The following PTPRO variants were observed in gnomAD, a reference collection of about 807,000 sequenced individuals.
PTPRO encodes protein tyrosine phosphatase receptor type O, also known as receptor-type tyrosine-protein phosphatase O.
In PTPRO, 62 loss-of-function variants were observed where a neutral mutation model predicts 145.2. The ratio of observed to expected loss-of-function variants is 0.43; its 90% CI spans 0.35 to 0.53. The LOEUF is 0.53. Ranked by LOEUF, PTPRO falls within the 20% of genes least tolerant of loss-of-function variation. The probability of loss-of-function intolerance (pLI) is 0.01; values close to 1 mark genes in which losing one functional copy is unlikely to be tolerated. For synonymous variants in PTPRO, 565 were observed against 514.7 expected, an observed-to-expected ratio of 1.10 and a Z score of -1.32; for missense variants, 1,345 against 1,482.7, an observed-to-expected ratio of 0.91 and a Z score of 1.53.
chr12:15,443,153 C>G (rs1940815151), intron 1 of PTPRO, among the ~76,000 whole-genome samples: 1 of 151,948 alleles, frequency 6.6e-6, no homozygotes, highest in African/African-American at 2.4e-5. Flanking sequence ...AATAGAGAAC[C>G]CATAAATAAA....
chr12:15,461,429 G>C (rs555038971), intron 1 of PTPRO, among the ~76,000 whole-genome samples: 1 of 152,028 alleles, frequency 6.6e-6, no homozygotes, highest in African/African-American at 2.4e-5. Flanking sequence ...CAAGGGCTGC[G>C]TCACAGGCCA....
intron 1 of PTPRO, among the ~76,000 whole-genome samples, chr12:15,333,666 G>A (rs183180865): frequency 2.9e-4 from 44 of 152,320 alleles, no homozygotes; most frequent in South Asian, 1.0e-3. Context: ...CCACTGAGTC[G>A]GGCTGGGGAG....
intron 1 of PTPRO, among the ~76,000 whole-genome samples, chr12:15,388,085 G>A (rs926392260): frequency 6.6e-6 from 1 of 152,116 alleles, no homozygotes; most frequent in Non-Finnish European, 1.5e-5. Context: ...AATGCAGAAG[G>A]CCTCAGGGAA....
Position 15,549,151 on chromosome 12 carries a change from G to A in PTPRO, c.2362G>A (p.Ala788Thr). The change falls in exon 14 of 27, where the codon GCC (alanine) becomes ACC (threonine). Residue 788 changes from alanine (A) to threonine (T), a missense_variant. Coordinates refer to ENST00000281171, the MANE Select transcript of PTPRO (RefSeq NM_030667.3). Reference protein sequence around the residue: ...VTISSLLPATAYNCSVTSFSH... With the variant: ...VTISSLLPATTYNCSVTSFSH... The stretch of plus-strand genomic sequence containing the variant: ...CATCTCCAGCCTTCTTCCTGCCACT[G>A]CCTACAATTGTAGTGTCACCAGCTT... The A allele has an allele frequency of 6.2e-7, 1 of 1,613,298 alleles. No homozygotes were observed.
At chr12:15,341,015 T>TA (rs1208363814) in intron 1 of PTPRO, among the ~76,000 whole-genome samples, 2 of 152,202 alleles carry the variant, frequency 1.3e-5, no homozygotes, top group Non-Finnish European at 1.5e-5. Context: ...TCAAGTTGCA[T>TA]AAAAAATTAC....
chr12:15,349,078 T>C (rs1937703581), intron 1 of PTPRO, among the ~76,000 whole-genome samples: 2 of 152,202 alleles, frequency 1.3e-5, no homozygotes, highest in African/African-American at 4.8e-5. Context: ...AACAGATTTA[T>C]GGAACAAGTA....
At chr12:15,498,792 A>C (rs1009309664) in intron 3 of PTPRO, among the ~76,000 whole-genome samples, 1 of 152,180 alleles carries the variant, frequency 6.6e-6, no homozygotes, top group Non-Finnish European at 1.5e-5. Flanking sequence ...ATAAATTTTA[A>C]AATAATTAAT....
chr12:15,444,558 C>T (rs975879993), intron 1 of PTPRO, among the ~76,000 whole-genome samples: 5 of 152,026 alleles, frequency 3.3e-5, no homozygotes, highest in Non-Finnish European at 5.9e-5. Context: ...TTACATATAA[C>T]GCCATAGACA....
In PTPRO at chr12:15,393,824, T is replaced by C. The variant is rs745754855; in HGVS notation, c.75+71023T>C. 4.3e-4 allele frequency among the ~76,000 whole-genome samples: 66 copies of C among 152,120 alleles called. 1 individual carries two copies. Among genetic ancestry groups the C allele is most frequent in the Non-Finnish European group, 8.1e-4 (55 of 68,028 alleles). ...GGGTTATATATGAAGAAAAGAAATCTATTTCTTACAATTTTAGAAGCTAGG... is the reference window on the plus strand; with the variant it reads ...GGGTTATATATGAAGAAAAGAAATCCATTTCTTACAATTTTAGAAGCTAGG... On this transcript the variant is annotated intron_variant, in intron 1 of 26. Coordinates refer to ENST00000281171, the MANE Select transcript of PTPRO (RefSeq NM_030667.3).
chr12:15,595,148 T>C (rs1191841974), intron 26 of PTPRO, 91 bp downstream of exon 26: 7 of 826,286 alleles, frequency 8.5e-6, no homozygotes, highest in Non-Finnish European at 1.4e-5. Flanking sequence ...AGTAGCCATT[T>C]GTATTGACTC....
At chr12:15,481,607 A>G (rs1459257179) in intron 1 of PTPRO, among the ~76,000 whole-genome samples, 4 of 152,190 alleles carry the variant, frequency 2.6e-5, no homozygotes, top group Non-Finnish European at 5.9e-5. Flanking sequence ...TAGAGCTGGA[A>G]GTGCAGCTGG....
At position 15,375,851 on chromosome 12, in the gene PTPRO, AT is replaced by A. The variant is rs1938671277; in HGVS notation, c.75+53053del. On this transcript the variant is annotated intron_variant, in intron 1 of 26. Coordinates refer to ENST00000281171, the MANE Select transcript of PTPRO (RefSeq NM_030667.3). ...TAAAGCATAATAACTAAAACAGAAT[AT>A]TTGAGTTTACTCAACAGCATATTTG... Among the ~76,000 whole-genome samples the A allele has an allele frequency of 2.0e-5, 3 of 152,172 alleles. No homozygotes were observed. The South Asian group carries it at 6.2e-4, about 32-fold the overall frequency.
chr12:15,327,911 C>G (rs369730637), intron 1 of PTPRO, among the ~76,000 whole-genome samples: 1 of 151,942 alleles, frequency 6.6e-6, no homozygotes, highest in East Asian at 1.9e-4. Flanking sequence ...GTCAGGAATT[C>G]GATACCAGCC....
intron 1 of PTPRO, among the ~76,000 whole-genome samples, chr12:15,406,360 C>A (rs1207965704): frequency 6.6e-6 from 1 of 152,164 alleles, no homozygotes; most frequent in South Asian, 2.1e-4. Context: ...AGCCATGAAA[C>A]TTTAAATGAA....
intron 19 of PTPRO, among the ~76,000 whole-genome samples, chr12:15,577,718 C>T (rs1363214387): frequency 2.6e-5 from 4 of 152,280 alleles, no homozygotes; most frequent in East Asian, 3.9e-4. Flanking sequence ...CCCACTTATA[C>T]ACAGTTATGT....
Position 15,587,067 on chromosome 12 carries a change from G to C in PTPRO, c.3410+16G>C, listed in dbSNP as rs530174471. 9 of 1,613,758 alleles carry C rather than the reference G, an allele frequency of 5.6e-6. No homozygotes were observed. Among genetic ancestry groups the C allele is most frequent in the African/African-American group, 4.0e-5 (3 of 75,010 alleles). On this transcript the variant is annotated intron_variant, in intron 24 of 26. Transcript: ENST00000281171. The stretch of plus-strand genomic sequence containing the variant: ...TTCACTGCAGGTAACCTCATCAACT[G>C]CATTTTCTATTAAATATTAGGAGTT...
Position 15,393,644 on chromosome 12 carries a change from T to C in PTPRO, c.75+70843T>C, listed in dbSNP as rs922964875. Among the ~76,000 whole-genome samples, 8 of 149,740 alleles carry C rather than the reference T, an allele frequency of 5.3e-5. 1 individual carries two copies. The highest frequency in any genetic ancestry group is 1.7e-4 in the African/African-American group (7 of 40,338). On this transcript the variant is annotated intron_variant, in intron 1 of 26. Transcript: ENST00000281171. ...TACACTAGGATTTTTTTTTTTTTTT[T>C]CTGAGAGTCTTCTGTTTAAGTTTGT...
intron 1 of PTPRO, chr12:15,439,659 G>T (rs1192548855): frequency 7.1e-6 from 3 of 420,060 alleles, no homozygotes; most frequent in African/African-American, 6.1e-5. Flanking sequence ...CAGAGCTGGG[G>T]CTGAGGCCAC....
intron 1 of PTPRO, among the ~76,000 whole-genome samples, chr12:15,360,824 G>GTGTATA (rs1938159608): frequency 2.3e-5 from 3 of 128,526 alleles, no homozygotes; most frequent in East Asian, 2.2e-4. Context: ...GTATATATGT[G>GTGTATA]TGTGTATATA....
Sources: gnomAD v4.1 joint callset for allele counts (sites outside exome capture counted in the v4.1 genomes callset) on GRCh38, gnomAD v4.1.1 for gene constraint, MANE v1.5 for transcripts, NCBI Gene and HGNC (gene_info 2026-07-23, HGNC 2026-07-21) for gene names.